The following BTG4 variants were observed in gnomAD, a reference collection of about 807,000 sequenced individuals.
The protein encoded by BTG4 is BTG anti-proliferation factor 4.
Under a neutral mutation model 19.3 loss-of-function variants are expected in BTG4, and 10 were observed. The observed-to-expected ratio is 0.52, with a 90% CI of 0.32 to 0.88. BTG4 has a LOEUF of 0.88. Ranked by LOEUF, BTG4 falls within the 40% of genes least tolerant of loss-of-function variation. The pLI is 0.04. For synonymous variants in BTG4, 91 were observed against 95.7 expected, an observed-to-expected ratio of 0.95 and a Z score of 0.29; for missense variants, 238 against 281.9, an observed-to-expected ratio of 0.84 and a Z score of 1.11.
chr11:111,461,097 C>T, the BTG4 span, among the ~76,000 whole-genome samples: 2 of 152,162 alleles, frequency 1.3e-5, no homozygotes, highest in African/African-American at 4.8e-5. Flanking sequence ...GAAGCCCCGT[C>T]AGGAGGTTAT....
At chr11:111,410,051 G>A in the BTG4 span, among the ~76,000 whole-genome samples, 2 of 152,180 alleles carry the variant, frequency 1.3e-5, no homozygotes, top group African/African-American at 4.8e-5. Context: ...GTTTTGCACT[G>A]TTAAGTCAGA....
chr11:111,396,459 T>C, the BTG4 span, among the ~76,000 whole-genome samples: 4 of 152,208 alleles, frequency 2.6e-5, no homozygotes, highest in African/African-American at 9.6e-5. Flanking sequence ...AGCAGAAAAG[T>C]GACCACTAAT....
At chr11:111,468,230 C>T (rs770748996) in intron 5 of BTG4, among the ~76,000 whole-genome samples, 2 of 152,176 alleles carry the variant, frequency 1.3e-5, no homozygotes, top group African/African-American at 2.4e-5. Context: ...TCACTTGATC[C>T]TCAAAGCAAC....
chr11:111,427,279 A>T, the BTG4 span, among the ~76,000 whole-genome samples: 11 of 152,216 alleles, frequency 7.2e-5, no homozygotes, highest in Non-Finnish European at 1.5e-4. Flanking sequence ...AAAGGCAGCC[A>T]CATCACAGAC....
the BTG4 span, chr11:111,397,732 T>C: frequency 1.3e-5 from 2 of 152,198 alleles, no homozygotes; most frequent in African/African-American, 4.8e-5. Context: ...GTGTCTCTTG[T>C]TCATTGATGT....
At chr11:111,499,634 A>G (rs1484968359) in intron 1 of BTG4, among the ~76,000 whole-genome samples, 1 of 152,226 alleles carries the variant, frequency 6.6e-6, no homozygotes, top group Non-Finnish European at 1.5e-5. Flanking sequence ...GTCATCTCTA[A>G]CTTAGCTGAC....
chr11:111,390,927 C>T, the BTG4 span, among the ~76,000 whole-genome samples: 6 of 152,176 alleles, frequency 3.9e-5, no homozygotes, highest in African/African-American at 1.2e-4. Context: ...GACCCACCTC[C>T]GATGGAGTTT....
chr11:111,430,110 C>T, the BTG4 span, among the ~76,000 whole-genome samples: 1 of 152,164 alleles, frequency 6.6e-6, no homozygotes, highest in Non-Finnish European at 1.5e-5. Context: ...AGGTCACAGT[C>T]AATTCAGAAA....
chr11:111,405,480 G>A, the BTG4 span, among the ~76,000 whole-genome samples: 1 of 143,596 alleles, frequency 7.0e-6, no homozygotes. Context: ...GAGTTACCTG[G>A]CCTCGCACTG....
chr11:111,483,237 T>C (rs772581761), intron 5 of BTG4, among the ~76,000 whole-genome samples: 2 of 152,150 alleles, frequency 1.3e-5, no homozygotes, highest in Non-Finnish European at 2.9e-5. Context: ...CCTTTTAATA[T>C]GTGGAAAGCC....
the BTG4 span, among the ~76,000 whole-genome samples, chr11:111,442,264 G>A: frequency 6.6e-6 from 1 of 151,410 alleles, no homozygotes; most frequent in East Asian, 2.0e-4. Context: ...AATTTGGGAG[G>A]TCGAGGCAGG....
chr11:111,463,986 G>A (rs1334296839), downstream of BTG4, among the ~76,000 whole-genome samples: 2 of 152,168 alleles, frequency 1.3e-5, no homozygotes, highest in Admixed American at 1.3e-4. Context: ...GAGAGAGGGC[G>A]AGCAAAGTGG....
chr11:111,400,813 G>T, the BTG4 span, among the ~76,000 whole-genome samples: 1 of 152,152 alleles, frequency 6.6e-6, no homozygotes, highest in Non-Finnish European at 1.5e-5. Context: ...GCCTTGACAG[G>T]ATGTAGTGAG....
chr11:111,432,353 A>G, the BTG4 span, among the ~76,000 whole-genome samples: 1 of 152,224 alleles, frequency 6.6e-6, no homozygotes, highest in South Asian at 2.1e-4. Flanking sequence ...ATATTTAAAG[A>G]AAATAACAGG....
chr11:111,385,376 A>C, the BTG4 span: 16 of 152,142 alleles, frequency 1.1e-4, 1 homozygote. Flanking sequence ...CTCACCAATT[A>C]AAAGACAGAT....
At chr11:111,434,751 A>C in the BTG4 span, among the ~76,000 whole-genome samples, 6 of 151,940 alleles carry the variant, frequency 3.9e-5, no homozygotes, top group South Asian at 1.2e-3. Context: ...GCATTGGCAG[A>C]CTCAAATCCA....
At chr11:111,432,988 G>A in the BTG4 span, among the ~76,000 whole-genome samples, 1 of 151,940 alleles carries the variant, frequency 6.6e-6, no homozygotes, top group African/African-American at 2.4e-5. Context: ...CACCATGCCT[G>A]GCCTCAAGTA....
the BTG4 span, among the ~76,000 whole-genome samples, chr11:111,441,387 G>C: frequency 6.6e-6 from 1 of 152,082 alleles, no homozygotes; most frequent in African/African-American, 2.4e-5. Flanking sequence ...TCCTCCGAGA[G>C]AGAGATGGCT....
intron 5 of BTG4, among the ~76,000 whole-genome samples, chr11:111,477,070 T>G (rs557079299): frequency 6.6e-6 from 1 of 152,292 alleles, no homozygotes; most frequent in South Asian, 2.1e-4. Context: ...TTTTTCTATA[T>G]TCCTCATTCT....
Sources: gnomAD v4.1 joint callset for allele counts (sites outside exome capture counted in the v4.1 genomes callset) on GRCh38, gnomAD v4.1.1 for gene constraint, MANE v1.5 for transcripts, NCBI Gene and HGNC (gene_info 2026-07-23, HGNC 2026-07-21) for gene names.